The following GJD3 variants were observed in gnomAD, a reference collection of about 807,000 sequenced individuals.
The protein encoded by GJD3 is gap junction delta-3 protein.
For synonymous variants in GJD3, 217 were observed against 226.7 expected, an observed-to-expected ratio of 0.96 and a Z score of 0.38; for missense variants, 421 against 448.5, an observed-to-expected ratio of 0.94 and a Z score of 0.55.
rs539718761 is a variant in GJD3, at chr17:40,361,412, T to A, written c.*1519A>T. Among the ~76,000 whole-genome samples, 1 of 152,188 alleles carries A rather than the reference T, an allele frequency of 6.6e-6. No individual in the cohort carries two copies. Among genetic ancestry groups the A allele is most frequent in the Admixed American group, 6.5e-5 (1 of 15,296 alleles). On this transcript the variant is annotated 3_prime_UTR_variant, in exon 1 of 1. Coordinates refer to ENST00000578689, the MANE Select transcript of GJD3 (RefSeq NM_152219.4). ...CCCGGGTTTAAGTGGGGGGCGCTAT[T>A]CAGAAACACCTCCCACTGCTGTGTG...
Position 40,363,177 on chromosome 17 carries a change from G to T in GJD3, c.639C>A (p.Leu213=). ...LLSVAELGHL[L]WKGRPRAGER... ...CCCCGGCGCGCGGGCGGCCCTTCCAGAGCAGGTGGCCCAGCTCGGCTACGC... is the reference window on the plus strand; with the variant it reads ...CCCCGGCGCGCGGGCGGCCCTTCCATAGCAGGTGGCCCAGCTCGGCTACGC... The change falls in exon 1 of 1, where the codon CTC becomes CTA. Residue 213 remains leucine, a synonymous_variant. Transcript: ENST00000578689. The surrounding 1 kb of genome is among the most constrained non-coding windows in gnomAD (Gnocchi z 5.5). 6.9e-7 allele frequency: 1 copy of T among 1,442,478 alleles called. No homozygotes were observed. The highest frequency in any genetic ancestry group is 9.1e-7 in the Non-Finnish European group (1 of 1,096,088). The allele number at this position is 1,442,478 out of a possible 1,614,324, so 89.4% of individuals were successfully genotyped here. A position where few individuals can be genotyped will look rare whatever the true frequency, so the allele number is the denominator to read the frequency against.
In GJD3 at chr17:40,363,384, C is replaced by T. The variant is rs1457001944; in HGVS notation, c.432G>A (p.Leu144=). 5.0e-6 allele frequency: 7 copies of T among 1,395,120 alleles called. No individual in the cohort carries two copies. The highest frequency in any genetic ancestry group is 6.5e-6 in the Non-Finnish European group (7 of 1,073,736). 86.4% of individuals were successfully genotyped at this position (1,395,120 alleles called of 1,614,324 possible). The stretch of plus-strand genomic sequence containing the variant: ...CGCCCAGGAAGGTCAGCTCGGCCAG[C>T]AGGCGCAGCGCCACGCTCAGCAGGT... ...RCYLLSVALR[L]LAELTFLGGQ... is the part of the protein sequence containing the mutation. Residue 144 remains leucine (L), a synonymous_variant, in exon 1 of 1, where the codon CTG becomes CTA. Transcript: ENST00000578689. This position sits in a 1 kb window ranked among gnomAD's most constrained non-coding sequence, Gnocchi z 5.5.
Position 40,363,634 on chromosome 17 carries a change from C to A in GJD3, c.182G>T (p.Cys61Phe). The change falls in exon 1 of 1, where the codon TGT (cysteine) becomes TTT (phenylalanine). Residue 61 changes from cysteine (C) to phenylalanine (F), a missense_variant. Cys to Phe is a radical substitution (Grantham distance 205). Transcript: ENST00000578689. This position sits in a 1 kb window ranked among gnomAD's most constrained non-coding sequence, Gnocchi z 5.5. ...GGCGCGGTCGTAGCAGGTCTGGCGACAGCCCGGCTGCAGCGTGTTGCACAC... is the reference window on the plus strand; with the variant it reads ...GGCGCGGTCGTAGCAGGTCTGGCGAAAGCCCGGCTGCAGCGTGTTGCACAC... Reference protein sequence around the residue: ...EFVCNTLQPGCRQTCYDRAFP... With the variant: ...EFVCNTLQPGFRQTCYDRAFP... 1 of 1,605,494 alleles carries A rather than the reference C, an allele frequency of 6.2e-7. No individual in the cohort carries two copies.
Position 40,362,811 on chromosome 17 carries a change from C to T in GJD3, c.*120G>A. ...CCCGCGGGCCGTCCCCACAACGCGT[C>T]TCCTGCCGGGGCAGGTCCCGCGACA... On this transcript the variant is annotated 3_prime_UTR_variant, in exon 1 of 1. Coordinates refer to ENST00000578689, the MANE Select transcript of GJD3 (RefSeq NM_152219.4). 1 of 1,071,520 alleles carries T rather than the reference C, an allele frequency of 9.3e-7. No homozygotes were observed. Among genetic ancestry groups the T allele is most frequent in the Non-Finnish European group, 1.1e-6 (1 of 883,916 alleles). The allele number at this position is 1,071,520 out of a possible 1,614,324, so 66.4% of individuals were successfully genotyped here.
rs1036671644 is a variant in GJD3, at chr17:40,362,819, G to C, written c.*112C>G. The C allele has an allele frequency of 1.2e-5, 13 of 1,070,486 alleles. No individual in the cohort carries two copies. The highest frequency in any genetic ancestry group is 1.7e-5 in the African/African-American group (1 of 58,900). 66.3% of individuals were successfully genotyped at this position (1,070,486 alleles called of 1,614,324 possible). On this transcript the variant is annotated 3_prime_UTR_variant, in exon 1 of 1. Coordinates refer to ENST00000578689, the MANE Select transcript of GJD3 (RefSeq NM_152219.4). ...CCGTCCCCACAACGCGTCTCCTGCCGGGGCAGGTCCCGCGACAGCTCTGGT... is the reference window on the plus strand; with the variant it reads ...CCGTCCCCACAACGCGTCTCCTGCCCGGGCAGGTCCCGCGACAGCTCTGGT...
At position 40,364,569 on chromosome 17, in the gene GJD3, G is replaced by C. The variant is rs879731193; in HGVS notation, c.-754C>G. Reference sequence around the variant, plus strand: ...CCCACACTTACACAGGTCCCCACACGCCCCTGGTGCCCCTAAACCGCCACC... The same window carrying C: ...CCCACACTTACACAGGTCCCCACACCCCCCTGGTGCCCCTAAACCGCCACC... On this transcript the variant is annotated 5_prime_UTR_variant, in exon 1 of 1. Transcript: ENST00000578689. 6.0e-6 allele frequency: 1 copy of C among 166,984 alleles called. No homozygotes were observed. Among genetic ancestry groups the C allele is most frequent in the Non-Finnish European group, 1.5e-5 (1 of 68,286 alleles). The allele number at this position is 166,984 out of a possible 1,614,324, so 10.3% of individuals were successfully genotyped here.
Position 40,363,198 on chromosome 17 carries a change from T to C in GJD3, c.618A>G (p.Val206=). ...TCCAGAGCAGGTGGCCCAGCTCGGC[T>C]ACGCTGAGCAGCGCCGACAGCAGCC... ...AVGLLSALLS[V]AELGHLLWKG... Residue 206 remains valine, a synonymous_variant, in exon 1 of 1, where the codon GTA becomes GTG. Transcript: ENST00000578689. The surrounding 1 kb of genome is among the most constrained non-coding windows in gnomAD (Gnocchi z 5.5). 6 of 1,447,670 alleles carry C rather than the reference T, an allele frequency of 4.1e-6. No individual in the cohort carries two copies. Among genetic ancestry groups the C allele is most frequent in the Non-Finnish European group, 5.5e-6 (6 of 1,098,972 alleles). 89.7% of individuals were successfully genotyped at this position (1,447,670 alleles called of 1,614,324 possible).
Position 40,363,084 on chromosome 17 carries a change from T to TGGCGGC in GJD3, c.726_731dup (p.Pro247_Pro248dup), listed in dbSNP as rs763487465. The TGGCGGC allele has an allele frequency of 2.6e-3, 3,238 of 1,261,976 alleles. 5 individuals carry two copies. Among genetic ancestry groups the TGGCGGC allele is most frequent in the South Asian group, 3.1e-3 (111 of 36,306 alleles). The allele number at this position is 1,261,976 out of a possible 1,614,324, so 78.2% of individuals were successfully genotyped here. On this transcript the variant is annotated inframe_insertion, in exon 1 of 1. Coordinates refer to ENST00000578689, the MANE Select transcript of GJD3 (RefSeq NM_152219.4). The surrounding 1 kb of genome is among the most constrained non-coding windows in gnomAD (Gnocchi z 5.5). Reference sequence around the variant, plus strand: ...GGGAGGGCAGGGCCGGTGGCGGAGGTGGCGGCGGCGGCGGCGGGAGCAGCT... The same window carrying TGGCGGC: ...GGGAGGGCAGGGCCGGTGGCGGAGGTGGCGGCGGCGGCGGCGGCGGCGGGAGCAGCT...
In GJD3 at chr17:40,362,849, G is replaced by T. The variant is rs1358485995; in HGVS notation, c.*82C>A. ...AGGTCCCGCGACAGCTCTGGTGGAA[G>T]CAGCTTCCGGCTTCTGCGGTGCGGG... is the stretch of plus-strand genomic sequence containing the variant. On this transcript the variant is annotated 3_prime_UTR_variant, in exon 1 of 1. Coordinates refer to ENST00000578689, the MANE Select transcript of GJD3 (RefSeq NM_152219.4). 8 of 1,092,174 alleles carry T rather than the reference G, an allele frequency of 7.3e-6. No individual in the cohort carries two copies. Among genetic ancestry groups the T allele is most frequent in the Non-Finnish European group, 8.9e-6 (8 of 898,052 alleles). 67.7% of individuals were successfully genotyped at this position (1,092,174 alleles called of 1,614,324 possible).
chr17:40,363,428 G>C lies in GJD3; in HGVS notation c.388C>G (p.Arg130Gly), dbSNP rs2034771739. 2 of 1,302,978 alleles carry C rather than the reference G, an allele frequency of 1.5e-6. No individual in the cohort carries two copies. Among genetic ancestry groups the C allele is most frequent in the Non-Finnish European group, 1.9e-6 (2 of 1,030,686 alleles). The allele number at this position is 1,302,978 out of a possible 1,614,324, so 80.7% of individuals were successfully genotyped here. ...AQCAPCALRA[R>G]RARRCYLLSV... ...AGCAGGTAGCAGCGGCGCGCGCGGCGGGCGCGCAGGGCGCACGGCGCGCAC... is the reference window on the plus strand; with the variant it reads ...AGCAGGTAGCAGCGGCGCGCGCGGCCGGCGCGCAGGGCGCACGGCGCGCAC... Residue 130 changes from arginine to glycine, a missense_variant, in exon 1 of 1, where the codon CGC becomes GGC. By Grantham distance (125) the Arg-to-Gly change is moderately radical. Coordinates refer to ENST00000578689, the MANE Select transcript of GJD3 (RefSeq NM_152219.4). The surrounding 1 kb of genome is among the most constrained non-coding windows in gnomAD (Gnocchi z 5.5).
rs1305877079 is a variant in GJD3 at position 40,364,433 on chromosome 17, G to A, written c.-618C>T. The A allele has an allele frequency of 6.0e-6, 1 of 167,410 alleles. No individual in the cohort carries two copies. The highest frequency in any genetic ancestry group is 6.5e-5 in the Admixed American group (1 of 15,292). 10.4% of individuals were successfully genotyped at this position (167,410 alleles called of 1,614,324 possible). ...ATAACTCTCACAGGGTCCTTTGTCG[G>A]AGGTGTCCCTGCCCTCCTACCCCAG... On this transcript the variant is annotated 5_prime_UTR_variant, in exon 1 of 1. Coordinates refer to ENST00000578689, the MANE Select transcript of GJD3 (RefSeq NM_152219.4).
rs570212474 is a variant in GJD3, at chr17:40,362,253, C to T, written c.*678G>A. 6.6e-5 allele frequency among the ~76,000 whole-genome samples: 10 copies of T among 152,126 alleles called. No individual in the cohort carries two copies. Among genetic ancestry groups the T allele is most frequent in the Admixed American group, 6.5e-4 (10 of 15,286 alleles). On this transcript the variant is annotated 3_prime_UTR_variant, in exon 1 of 1. Transcript: ENST00000578689. ...TACAGGTGTGCACACGCAGCCCACA[C>T]AGAATGGACATGTGCGTGTGTGCAC... is the stretch of plus-strand genomic sequence containing the variant.
rs2034755028 is a variant in GJD3, at chr17:40,361,887, C to G, written c.*1044G>C. Among the ~76,000 whole-genome samples the G allele has an allele frequency of 6.6e-6, 1 of 151,378 alleles. No individual in the cohort carries two copies. Among genetic ancestry groups the G allele is most frequent in the African/African-American group, 2.4e-5 (1 of 41,160 alleles). ...CCTCTGGCCCGCCGCCCACCCCCAC[C>G]CCACCTCCATGAAAGCGCCCAGCCC... On this transcript the variant is annotated 3_prime_UTR_variant, in exon 1 of 1. Transcript: ENST00000578689.
At position 40,364,460 on chromosome 17, in the gene GJD3, G is replaced by A. The variant is rs2034782694; in HGVS notation, c.-645C>T. ...GGTGTCCCTGCCCTCCTACCCCAGC[G>A]TGGTGGGAGTGCGACGCCAGGCTTC... On this transcript the variant is annotated 5_prime_UTR_variant, in exon 1 of 1. In the 5' UTR this introduces an upstream ATG that the reference lacks. Coordinates refer to ENST00000578689, the MANE Select transcript of GJD3 (RefSeq NM_152219.4). The A allele has an allele frequency of 6.0e-6, 1 of 167,418 alleles. No individual in the cohort carries two copies. The highest frequency in any genetic ancestry group is 1.5e-5 in the Non-Finnish European group (1 of 68,412). The allele number at this position is 167,418 out of a possible 1,614,324, so 10.4% of individuals were successfully genotyped here.
rs2034746462 is a variant in GJD3, at chr17:40,360,869, C to G, written c.*2062G>C. 1.0e-5 allele frequency: 4 copies of G among 390,246 alleles called. No individual in the cohort carries two copies. Among genetic ancestry groups the G allele is most frequent in the Non-Finnish European group, 1.5e-5 (3 of 195,556 alleles). 24.2% of individuals were successfully genotyped at this position (390,246 alleles called of 1,614,324 possible). On this transcript the variant is annotated 3_prime_UTR_variant, in exon 1 of 1. Coordinates refer to ENST00000578689, the MANE Select transcript of GJD3 (RefSeq NM_152219.4). ...AGGGGTCTGGGTTGTGGACACAGAA[C>G]TGTCATCAGAGAGATGGTGCCCACC...
rs1281838946 is a variant in GJD3, at chr17:40,363,327, G to A, written c.489C>T (p.Ala163=). 30 of 1,416,094 alleles carry A rather than the reference G, an allele frequency of 2.1e-5. No homozygotes were observed. The highest frequency in any genetic ancestry group is 3.6e-4 in the Middle Eastern group (2 of 5,514). The allele number at this position is 1,416,094 out of a possible 1,614,324, so 87.7% of individuals were successfully genotyped here. ...GQALLYGFRV[A]PHFACAGPPC... ...GCGGACCGGCGCACGCGAAGTGCGG[G>A]GCCACGCGGAAGCCGTAGAGCAGCG... is the stretch of plus-strand genomic sequence containing the variant. Residue 163 remains alanine, a synonymous_variant, in exon 1 of 1, where the codon GCC becomes GCT. Coordinates refer to ENST00000578689, the MANE Select transcript of GJD3 (RefSeq NM_152219.4). This position sits in a 1 kb window ranked among gnomAD's most constrained non-coding sequence, Gnocchi z 5.5.
chr17:40,363,374 G>A lies in GJD3; in HGVS notation c.442C>T (p.Leu148=). The A allele has an allele frequency of 7.1e-7, 1 of 1,400,910 alleles. No homozygotes were observed. The allele number at this position is 1,400,910 out of a possible 1,614,324, so 86.8% of individuals were successfully genotyped here. ...AGCGCCTGGCCGCCCAGGAAGGTCA[G>A]CTCGGCCAGCAGGCGCAGCGCCACG... ...LSVALRLLAE[L]TFLGGQALLY... is the part of the protein sequence containing the mutation. The change falls in exon 1 of 1, where the codon CTG becomes TTG. Residue 148 remains leucine (L), a synonymous_variant. Coordinates refer to ENST00000578689, the MANE Select transcript of GJD3 (RefSeq NM_152219.4). The surrounding 1 kb of genome is among the most constrained non-coding windows in gnomAD (Gnocchi z 5.5).
Position 40,360,806 on chromosome 17 carries a change from T to C in GJD3, c.*2125A>G, listed in dbSNP as rs1179062215. On this transcript the variant is annotated 3_prime_UTR_variant, in exon 1 of 1. Transcript: ENST00000578689. ...CAAATATTTGTTGAATGAATACATC[T>C]GGAAAACAGCGGCACAGCCCCATCT... 3.3e-6 allele frequency: 1 copy of C among 304,910 alleles called. No individual in the cohort carries two copies. Among genetic ancestry groups the C allele is most frequent in the East Asian group, 1.3e-4 (1 of 7,826 alleles). 18.9% of individuals were successfully genotyped at this position (304,910 alleles called of 1,614,324 possible).
chr17:40,363,719 G>T lies in GJD3; in HGVS notation c.97C>A (p.Arg33Ser). ...CCCACCGTGGCCAGCACCAGGATGCGGAAGATCAGCATGACCACCAGCCAG... is the reference window on the plus strand; with the variant it reads ...CCCACCGTGGCCAGCACCAGGATGCTGAAGATCAGCATGACCACCAGCCAG... The part of the protein sequence containing the change: ...RLWLVVMLIF[R>S]ILVLATVGGA... The change falls in exon 1 of 1, where the codon CGC (arginine) becomes AGC (serine). Residue 33 changes from arginine (R) to serine (S), a missense_variant. By Grantham distance (110) the Arg-to-Ser change is moderately radical. Transcript: ENST00000578689. This position sits in a 1 kb window ranked among gnomAD's most constrained non-coding sequence, Gnocchi z 5.5. 6.2e-7 allele frequency: 1 copy of T among 1,610,298 alleles called. No homozygotes were observed.
Sources: allele counts gnomAD v4.1 joint callset (sites outside exome capture counted in the v4.1 genomes callset), GRCh38; gene constraint gnomAD v4.1.1; non-coding constraint Gnocchi (gnomAD v3.1); transcripts MANE v1.5; gene names NCBI Gene and HGNC (gene_info 2026-07-23, HGNC 2026-07-21).